Variants in TNFRSF4 observed in about 807,000 individuals in gnomAD.
The protein encoded by TNFRSF4 is TNF receptor superfamily member 4, also known as tumor necrosis factor receptor superfamily member 4.
In TNFRSF4, 21 loss-of-function variants were observed where a neutral mutation model predicts 29.5. The observed-to-expected ratio is 0.71, with a 90% CI of 0.51 to 1.03. TNFRSF4 has a LOEUF of 1.03. Ranked by LOEUF, TNFRSF4 falls within the 50% of genes least tolerant of loss-of-function variation. TNFRSF4 has a pLI of 0.00. For synonymous variants in TNFRSF4, 197 were observed against 172.7 expected (o/e 1.14, Z -1.10); for missense variants, 408 against 387.8 (o/e 1.05, Z -0.44).
chr1:1,212,648 G>A lies in TNFRSF4; in HGVS notation c.427C>T (p.Pro143Ser). Residue 143 changes from proline to serine, a missense_variant, in exon 4 of 7, where the codon CCC (proline) becomes TCC (serine). Transcript: ENST00000379236. ...GGCCAGGCCCCTCACTTGGTCCAGG[G>A]CTTGCAGGCCTGGTTGTCGCCTGGG... ...FSPGDNQACK[P>S]WTNCTLAGKH... The A allele has an allele frequency of 6.8e-7, 1 of 1,475,860 alleles. No individual in the cohort carries two copies. The highest frequency in any genetic ancestry group is 9.0e-7 in the Non-Finnish European group (1 of 1,112,246). The allele number at this position is 1,475,860 out of a possible 1,614,324, so 91.4% of individuals were successfully genotyped here.
intron 3 of TNFRSF4, 56 bp from the exon 4 acceptor site, chr1:1,212,760 A>G: frequency 1.4e-6 from 2 of 1,425,520 alleles, no homozygotes; most frequent in Admixed American, 2.3e-5. Flanking sequence ...TGCTGGGGAC[A>G]TGGGGCAGAG....
At chr1:1,213,875 G>A (rs1307854460) in intron 1 of TNFRSF4, 90 bp from the exon 2 acceptor site, 2 of 1,464,954 alleles carry the variant, frequency 1.4e-6, no homozygotes, top group African/African-American at 1.4e-5. Flanking sequence ...GGCTTGGCCG[G>A]CCCCTCACCC....
intron 3 of TNFRSF4, 33 bp downstream of exon 3, chr1:1,212,959 C>A: frequency 6.3e-7 from 1 of 1,578,722 alleles, no homozygotes; most frequent in Non-Finnish European, 8.6e-7. Context: ...GCTATGCACA[C>A]CCCCAACCGC....
rs34227327 is a variant in TNFRSF4 at position 1,213,620 on chromosome 1, C to A, written c.268+43G>T. On this transcript the variant is annotated intron_variant, in intron 2 of 6. Coordinates refer to ENST00000379236, the MANE Select transcript of TNFRSF4 (RefSeq NM_003327.4). ...TGGGAATGTGGGTGCCAGGCTGCCG[C>A]CCCCTGTGCTGGGTGGGGCTGTGGG... 409 of 1,536,102 alleles carry A rather than the reference C, an allele frequency of 2.7e-4. 1 individual carries two copies. The African/African-American group carries it at 4.8e-3, about 18-fold the overall frequency.
At chr1:1,213,833 C>G (rs1315293058) in intron 1 of TNFRSF4, 48 bp from the exon 2 acceptor site, 6 of 1,542,076 alleles carry the variant, frequency 3.9e-6, no homozygotes, top group Non-Finnish European at 5.2e-6. Flanking sequence ...CAGGCTTGCG[C>G]CCGTGGACCC....
intron 4 of TNFRSF4, 37 bp downstream of exon 4, chr1:1,212,601 C>T (rs961394549): frequency 2.2e-6 from 3 of 1,358,756 alleles, no homozygotes; most frequent in Non-Finnish European, 2.0e-6. Context: ...CCCCAACCCC[C>T]CCCCAGCCCC....
rs33986159 is a variant in TNFRSF4, at chr1:1,212,596, A to AC, written c.437+41dup. 15,727 of 842,150 alleles carry AC rather than the reference A, an allele frequency of 0.019. 510 individuals are homozygous for AC. The African/African-American group carries it at 0.21, about 11-fold the overall frequency. The allele number at this position is 842,150 out of a possible 1,614,324, so 52.2% of individuals were successfully genotyped here. On this transcript the variant is annotated intron_variant, in intron 4 of 6. Transcript: ENST00000379236. ...CTCCTCCGCCCTCCTAACCACCCCA[A>AC]CCCCCCCCCAGCCCCTCCCAGCCCC...
chr1:1,212,868 G>A, intron 3 of TNFRSF4, 124 bp downstream of exon 3: 1 of 1,272,666 alleles, frequency 7.9e-7, no homozygotes, highest in Non-Finnish European at 1.1e-6. Context: ...TGACCCGGGA[G>A]CTCGGTCTTG....
intron 2 of TNFRSF4, 83 bp downstream of exon 2, chr1:1,213,580 C>G: frequency 1.3e-6 from 2 of 1,490,458 alleles, no homozygotes; most frequent in East Asian, 2.5e-5. Flanking sequence ...GCTGTGGGAG[C>G]CCCATGCTGC....
chr1:1,212,666 C>T lies in TNFRSF4; in HGVS notation c.409G>A (p.Asp137Asn), dbSNP rs1459414831. The change falls in exon 4 of 7, where the codon GAC (aspartate) becomes AAC (asparagine). Residue 137 changes from aspartate to asparagine, a missense_variant. Transcript: ENST00000379236. ...GTCCAGGGCTTGCAGGCCTGGTTGT[C>T]GCCTGGGGAGAAGTGCCCTGGAGGG... ...PCPPGHFSPGDNQACKPWTNC... is the reference protein window; with the variant it reads ...PCPPGHFSPGNNQACKPWTNC... The T allele has an allele frequency of 7.8e-6, 12 of 1,538,746 alleles. No homozygotes were observed. Among genetic ancestry groups the T allele is most frequent in the East Asian group, 2.5e-5 (1 of 40,152 alleles).
rs530002728 is a variant in TNFRSF4, at chr1:1,212,255, G to A, written c.438-117C>T. On this transcript the variant is annotated intron_variant, in intron 4 of 6. Coordinates refer to ENST00000379236, the MANE Select transcript of TNFRSF4 (RefSeq NM_003327.4). Reference sequence around the variant, plus strand: ...CAGGCAGCATCTACCACAGACACCAGGCCAGTGACAGCCAAGGACGCTGCC... The same window carrying A: ...CAGGCAGCATCTACCACAGACACCAAGCCAGTGACAGCCAAGGACGCTGCC... 30 of 1,209,800 alleles carry A rather than the reference G, an allele frequency of 2.5e-5. No individual in the cohort carries two copies. The East Asian group carries it at 6.3e-4, about 26-fold the overall frequency. 74.9% of individuals were successfully genotyped at this position (1,209,800 alleles called of 1,614,324 possible). A position where few individuals can be genotyped will look rare whatever the true frequency, so the allele number is the denominator to read the frequency against.
In TNFRSF4 at chr1:1,211,649, T is replaced by G. The variant is rs779745419; in HGVS notation, c.764-24A>C. 3.8e-6 allele frequency: 6 copies of G among 1,562,066 alleles called. No homozygotes were observed. The Admixed American group carries it at 1.2e-4, about 31-fold the overall frequency. On this transcript the variant is annotated intron_variant, in intron 6 of 6. Transcript: ENST00000379236. Reference sequence around the variant, plus strand: ...CCCTGGGGAGGAAAAAAGGAGAGATTGGTGGGTGGGCCTCACCCGCCAGGA... The same window carrying G: ...CCCTGGGGAGGAAAAAAGGAGAGATGGGTGGGTGGGCCTCACCCGCCAGGA...
chr1:1,212,032 G>C lies in TNFRSF4; in HGVS notation c.544C>G (p.Pro182Ala). The change falls in exon 5 of 7, where the codon CCC becomes GCC. Residue 182 changes from proline to alanine, a missense_variant. Coordinates refer to ENST00000379236, the MANE Select transcript of TNFRSF4 (RefSeq NM_003327.4). ...TGGACAGTGATGGGCCTGGCCGGGG[G>C]GCCCTGGGTCTCCTGGGGCTGCGTG... ...PATQPQETQGPPARPITVQPT... is the reference protein window; with the variant it reads ...PATQPQETQGAPARPITVQPT... 1 of 1,611,326 alleles carries C rather than the reference G, an allele frequency of 6.2e-7. No individual in the cohort carries two copies. The highest frequency in any genetic ancestry group is 8.5e-7 in the Non-Finnish European group (1 of 1,179,236).
chr1:1,213,369 T>G, intron 2 of TNFRSF4: 1 of 1,531,534 alleles, frequency 6.5e-7, no homozygotes. Context: ...CGGCAGGGTC[T>G]CCATGGCCCA....
At position 1,211,557 on chromosome 1, in the gene TNFRSF4, A is replaced by G; in HGVS notation, c.832T>C (p.Ter278ArgextTer?). The G allele has an allele frequency of 6.7e-7, 1 of 1,499,400 alleles. No individual in the cohort carries two copies. The highest frequency in any genetic ancestry group is 8.9e-7 in the Non-Finnish European group (1 of 1,125,680). The allele number at this position is 1,499,400 out of a possible 1,614,324, so 92.9% of individuals were successfully genotyped here. ...GCGTCCACCTTGGTGGGCCCAGGTCAGATCTTGGCCAGGGTGGAGTGGGCG... is the reference window on the plus strand; with the variant it reads ...GCGTCCACCTTGGTGGGCCCAGGTCGGATCTTGGCCAGGGTGGAGTGGGCG... ...ADAHSTLAKI* is the reference protein window; with the variant it reads ...ADAHSTLAKIR The change falls in exon 7 of 7, where the codon TGA becomes CGA. Residue 278 changes from the stop codon to arginine (R), a stop_lost. Coordinates refer to ENST00000379236, the MANE Select transcript of TNFRSF4 (RefSeq NM_003327.4).
chr1:1,212,745 C>T, intron 3 of TNFRSF4, 41 bp from the exon 4 acceptor site: 1 of 1,488,132 alleles, frequency 6.7e-7, no homozygotes, highest in African/African-American at 1.4e-5. Context: ...CCCACAGGCC[C>T]CGGGTGCTGG....
intron 4 of TNFRSF4, 143 bp from the exon 5 acceptor site, chr1:1,212,281 C>T (rs1649177551): frequency 1.0e-6 from 1 of 982,404 alleles, no homozygotes; most frequent in Non-Finnish European, 1.5e-6. Context: ...GGACGCTGCC[C>T]AGCCCCACGT....
At position 1,212,022 on chromosome 1, in the gene TNFRSF4, C is replaced by T; in HGVS notation, c.554G>A (p.Arg185Lys). ...QPQETQGPPA[R>K]PITVQPTEAW... is the part of the protein sequence containing the mutation. ...TTCAGTGGGCTGGACAGTGATGGGCCTGGCCGGGGGGCCCTGGGTCTCCTG... is the reference window on the plus strand; with the variant it reads ...TTCAGTGGGCTGGACAGTGATGGGCTTGGCCGGGGGGCCCTGGGTCTCCTG... The change falls in exon 5 of 7, where the codon AGG becomes AAG. Residue 185 changes from arginine to lysine, a missense_variant. Transcript: ENST00000379236. The T allele has an allele frequency of 6.2e-7, 1 of 1,610,554 alleles. No individual in the cohort carries two copies. Among genetic ancestry groups the T allele is most frequent in the Non-Finnish European group, 8.5e-7 (1 of 1,178,946 alleles).
At chr1:1,211,663 C>T (rs1292121242) in intron 6 of TNFRSF4, 38 bp from the exon 7 acceptor site, 3 of 1,569,394 alleles carry the variant, frequency 1.9e-6, no homozygotes, top group Middle Eastern at 1.7e-4. Flanking sequence ...GGGTGGGCCT[C>T]ACCCGCCAGG....
Sources: gnomAD v4.1 joint callset for allele counts on GRCh38, gnomAD v4.1.1 for gene constraint, MANE v1.5 for transcripts, NCBI Gene and HGNC (gene_info 2026-07-23, HGNC 2026-07-21) for gene names.